The following CDH12 variants were observed in gnomAD, a reference collection of about 807,000 sequenced individuals.
CDH12 encodes cadherin 12, also known as cadherin-12.
CDH12 carries 41 observed loss-of-function variants against 74.1 expected under a neutral mutation model. That is an observed-to-expected ratio of 0.55 (90% confidence interval 0.43 to 0.72). The LOEUF is 0.72. Among genes scored for constraint, CDH12 ranks in the 30% least tolerant of loss-of-function variants. The probability of loss-of-function intolerance (pLI) is 0.00; values close to 1 mark genes in which losing one functional copy is unlikely to be tolerated. For synonymous variants in CDH12, 399 were observed against 355.0 expected (o/e 1.12, Z -1.39); for missense variants, 945 against 977.2 (o/e 0.97, Z 0.44).
chr5:22,344,626 T>G (rs1382725153), intron 3 of CDH12, among the ~76,000 whole-genome samples: 1 of 152,142 alleles, frequency 6.6e-6, no homozygotes, highest in Non-Finnish European at 1.5e-5. Flanking sequence ...ATCACTATGA[T>G]TACTGCTTAC....
At chr5:22,102,380 A>G (rs1253809001) in intron 4 of CDH12, among the ~76,000 whole-genome samples, 1 of 152,148 alleles carries the variant, frequency 6.6e-6, no homozygotes, top group Non-Finnish European at 1.5e-5. Context: ...TGAAAACGTA[A>G]TCCCCTGGCA....
intron 5 of CDH12, among the ~76,000 whole-genome samples, chr5:22,028,634 A>C (rs1335595368): frequency 6.6e-6 from 1 of 152,206 alleles, no homozygotes; most frequent in African/African-American, 2.4e-5. Context: ...ATGGAAGAAC[A>C]TACCATGCTC....
chr5:22,457,852 C>T (rs1294741079), intron 2 of CDH12, among the ~76,000 whole-genome samples: 1 of 152,134 alleles, frequency 6.6e-6, no homozygotes, highest in Non-Finnish European at 1.5e-5. Flanking sequence ...TCAAGCAATT[C>T]TCCTGCCTCA....
intron 1 of CDH12, among the ~76,000 whole-genome samples, chr5:22,680,692 C>T (rs1230760559): frequency 6.6e-6 from 1 of 151,998 alleles, no homozygotes; most frequent in East Asian, 1.9e-4. Flanking sequence ...GCAATTCCTA[C>T]AAAACACATT....
intron 2 of CDH12, among the ~76,000 whole-genome samples, chr5:22,478,139 C>T (rs1746241155): frequency 6.6e-6 from 1 of 151,954 alleles, no homozygotes; most frequent in South Asian, 2.1e-4. Context: ...GAAAAATAGG[C>T]CAGGCACGGT....
At chr5:22,741,522 G>C (rs1035696560) in intron 1 of CDH12, among the ~76,000 whole-genome samples, 54 of 152,234 alleles carry the variant, frequency 3.5e-4, no homozygotes, top group African/African-American at 1.3e-3. Context: ...AGTATGTCTA[G>C]AGGTAGGGTG....
intron 1 of CDH12, among the ~76,000 whole-genome samples, chr5:22,779,672 T>G (rs77161125): frequency 6.6e-6 from 1 of 152,242 alleles, no homozygotes; most frequent in South Asian, 2.1e-4. Flanking sequence ...ATCTGATGAT[T>G]TTGTAAGTGT....
chr5:22,471,808 C>T (rs1745970667), intron 2 of CDH12, among the ~76,000 whole-genome samples: 1 of 152,156 alleles, frequency 6.6e-6, no homozygotes, highest in Non-Finnish European at 1.5e-5. Context: ...ACCCTAATCT[C>T]TTATTTTTCA....
intron 4 of CDH12, among the ~76,000 whole-genome samples, chr5:22,098,470 T>C (rs532751444): frequency 0.011 from 1,720 of 152,274 alleles, 36 homozygotes; most frequent in African/African-American, 0.038. Flanking sequence ...TTTAGCCTAG[T>C]CCTCATGTTT....
intron 1 of CDH12, among the ~76,000 whole-genome samples, chr5:22,570,037 T>C: frequency 7.1e-6 from 1 of 139,956 alleles, no homozygotes; most frequent in East Asian, 2.2e-4. Flanking sequence ...GTATTTCGTT[T>C]TATTTATTTA....
chr5:22,170,545 CATATAAGCTTCTTATATATAACTTAT>C (rs1437671308), intron 4 of CDH12, among the ~76,000 whole-genome samples: 25 of 150,588 alleles, frequency 1.7e-4, no homozygotes, highest in South Asian at 1.0e-3. Context: ...AGTTAACTTA[CATATAAGCTTCTTATATATAACTTAT>C]ATATAAGCTT....
chr5:22,555,625 T>G (rs1212829042), intron 1 of CDH12, among the ~76,000 whole-genome samples: 3 of 152,042 alleles, frequency 2.0e-5, no homozygotes, highest in African/African-American at 7.2e-5. Flanking sequence ...TTAAAACACT[T>G]CAAAATTCTT....
Position 22,803,978 on chromosome 5 carries a change from C to CA in CDH12, c.-523+49079dup, listed in dbSNP as rs1002711235. Among the ~76,000 whole-genome samples, 107 of 140,300 alleles carry CA rather than the reference C, an allele frequency of 7.6e-4. 1 individual carries two copies. Among genetic ancestry groups the CA allele is most frequent in the African/African-American group, 1.9e-3 (72 of 38,094 alleles). 92.0% of individuals were successfully genotyped at this position (140,300 alleles called of 152,430 possible). ...CAATTACTATGAGTCTATGTTTTTA[C>CA]AAAAAAAAAATCAAGAGCTACTGTT... is the stretch of plus-strand genomic sequence containing the variant. On this transcript the variant is annotated intron_variant, in intron 1 of 14. Transcript: ENST00000382254.
At chr5:22,245,126 T>C (rs1257248272) in intron 3 of CDH12, among the ~76,000 whole-genome samples, 1 of 152,202 alleles carries the variant, frequency 6.6e-6, no homozygotes, top group African/African-American at 2.4e-5. Context: ...TTATTGATTA[T>C]AGTTTGGATT....
intron 3 of CDH12, among the ~76,000 whole-genome samples, chr5:22,225,048 T>G (rs1197109364): frequency 6.6e-6 from 1 of 152,002 alleles, no homozygotes; most frequent in African/African-American, 2.4e-5. Flanking sequence ...AGCTAAAATT[T>G]GTGGGTTGAA....
intron 1 of CDH12, among the ~76,000 whole-genome samples, chr5:22,775,144 A>G (rs1310686739): frequency 6.6e-6 from 1 of 152,040 alleles, no homozygotes; most frequent in African/African-American, 2.4e-5. Flanking sequence ...AATGAATTAA[A>G]TTCAAAAAGC....
At chr5:22,457,831 G>A (rs1457996609) in intron 2 of CDH12, among the ~76,000 whole-genome samples, 2 of 151,728 alleles carry the variant, frequency 1.3e-5, no homozygotes, top group Non-Finnish European at 1.5e-5. Context: ...TGCAACCTCC[G>A]CCTCCTGGGT....
intron 1 of CDH12, among the ~76,000 whole-genome samples, chr5:22,525,494 G>A (rs949629906): frequency 1.4e-5 from 2 of 145,608 alleles, no homozygotes; most frequent in Non-Finnish European, 3.0e-5. Flanking sequence ...GAGAAAGAGA[G>A]AGAGAGAAAG....
chr5:22,316,043 C>G (rs1738620707), intron 3 of CDH12, among the ~76,000 whole-genome samples: 3 of 152,046 alleles, frequency 2.0e-5, no homozygotes. Flanking sequence ...AGAGTCCTGA[C>G]AAGAGAATGT....
Sources: gnomAD v4.1 joint callset for allele counts (sites outside exome capture counted in the v4.1 genomes callset) on GRCh38, gnomAD v4.1.1 for gene constraint, MANE v1.5 for transcripts, NCBI Gene and HGNC (gene_info 2026-07-23, HGNC 2026-07-21) for gene names.